The following DENND1A variants were observed in gnomAD, a reference collection of about 807,000 sequenced individuals.
DENND1A encodes the protein DENN domain containing 1A.
Under a neutral mutation model 113.7 loss-of-function variants are expected in DENND1A, and 51 were observed. The observed-to-expected ratio is 0.45, with a 90% CI of 0.36 to 0.57. DENND1A has a LOEUF of 0.57. Among genes scored for constraint, DENND1A ranks in the 20% least tolerant of loss-of-function variants. The pLI, the probability that DENND1A is intolerant of heterozygous loss-of-function variation, is 0.00. For missense variants in DENND1A, 1,258 were observed against 1,395.9 expected, an observed-to-expected ratio of 0.90 and a Z score of 1.57; for synonymous variants, 565 against 570.8, an observed-to-expected ratio of 0.99 and a Z score of 0.14.
At chr9:123,736,414 G>C (rs1182622701) in intron 5 of DENND1A, 6 of 152,134 alleles carry the variant, frequency 3.9e-5, no homozygotes, top group Admixed American at 2.6e-4. Flanking sequence ...ATGTCACAAG[G>C]AAAAAGTCCC....
chr9:123,557,571 G>C lies in DENND1A; in HGVS notation c.992C>G (p.Pro331Arg). The C allele has an allele frequency of 6.2e-7, 1 of 1,613,532 alleles. No individual in the cohort carries two copies. The highest frequency in any genetic ancestry group is 1.1e-5 in the South Asian group (1 of 90,956). Residue 331 changes from proline (P) to arginine (R), a missense_variant and splice_region_variant, in exon 13 of 24, where the codon CCG (proline) becomes CGG (arginine). Coordinates refer to ENST00000394215, the MANE Select transcript of DENND1A (RefSeq NM_001352964.2). ...GSYRNALKIE[P>R]EEPITFCEEA... Reference sequence around the variant, plus strand: ...CTGTGACATGCCAAGGCTACTCACCGGCTCGATTTTCAGAGCGTTTCGGTA... The same window carrying C: ...CTGTGACATGCCAAGGCTACTCACCCGCTCGATTTTCAGAGCGTTTCGGTA...
At chr9:123,552,393 G>A (rs1426417084) in intron 13 of DENND1A, among the ~76,000 whole-genome samples, 1 of 152,238 alleles carries the variant, frequency 6.6e-6, no homozygotes, top group Admixed American at 6.5e-5. Context: ...GGGAACTGAG[G>A]ATTGGAGAGG....
At chr9:123,836,378 C>G (rs1035528509) in intron 2 of DENND1A, among the ~76,000 whole-genome samples, 2 of 152,068 alleles carry the variant, frequency 1.3e-5, no homozygotes, top group African/African-American at 4.8e-5. Context: ...CAAGCTCACA[C>G]AAATTTCTTG....
chr9:123,831,370 C>A (rs1305735585), intron 2 of DENND1A, among the ~76,000 whole-genome samples: 2 of 152,154 alleles, frequency 1.3e-5, no homozygotes, highest in Non-Finnish European at 2.9e-5. Context: ...ATAATCAAAT[C>A]TCCTCACATT....
At chr9:123,492,670 G>A (rs544437012) in intron 13 of DENND1A, 8 of 152,268 alleles carry the variant, frequency 5.3e-5, no homozygotes, top group Non-Finnish European at 8.8e-5. Context: ...TAGTAAAAAC[G>A]AAGCATCATG....
intron 5 of DENND1A, among the ~76,000 whole-genome samples, chr9:123,754,394 T>C (rs2070345423): frequency 6.6e-6 from 1 of 152,202 alleles, no homozygotes; most frequent in Non-Finnish European, 1.5e-5. Context: ...GGTGTGCCCT[T>C]TATTTCCACA....
intron 5 of DENND1A, among the ~76,000 whole-genome samples, chr9:123,732,685 A>C (rs2068263288): frequency 6.6e-6 from 1 of 152,234 alleles, no homozygotes; most frequent in African/African-American, 2.4e-5. Context: ...TTAAAAATAA[A>C]AATAGAAAAG....
intron 18 of DENND1A, among the ~76,000 whole-genome samples, chr9:123,443,783 C>T (rs2047103852): frequency 1.3e-5 from 2 of 152,142 alleles, no homozygotes; most frequent in Non-Finnish European, 2.9e-5. Context: ...GGGGAAACCC[C>T]ATATCTACAA....
intron 10 of DENND1A, among the ~76,000 whole-genome samples, chr9:123,615,689 G>T (rs1212957524): frequency 1.3e-5 from 2 of 152,186 alleles, no homozygotes; most frequent in African/African-American, 4.8e-5. Flanking sequence ...CTTGGTAGGG[G>T]CTTTTGTCCG....
At chr9:123,666,844 T>G (rs1482251998) in intron 8 of DENND1A, among the ~76,000 whole-genome samples, 182 bp downstream of exon 8, 3 of 152,238 alleles carry the variant, frequency 2.0e-5, no homozygotes. Flanking sequence ...GCAAATATTC[T>G]CTATTTGTTT....
At chr9:123,402,377 A>G in intron 21 of DENND1A, 1 of 392,604 alleles carries the variant, frequency 2.5e-6, no homozygotes, top group Admixed American at 3.2e-5. Flanking sequence ...TGGAGAGCTG[A>G]AGTGAACTGC....
intron 5 of DENND1A, among the ~76,000 whole-genome samples, chr9:123,734,885 A>G (rs2068447324): frequency 6.6e-6 from 1 of 152,190 alleles, no homozygotes; most frequent in South Asian, 2.1e-4. Flanking sequence ...TCAAGTTGTC[A>G]CTAGGTAAAA....
At chr9:123,537,471 G>A (rs1259504289) in intron 13 of DENND1A, among the ~76,000 whole-genome samples, 2 of 151,344 alleles carry the variant, frequency 1.3e-5, no homozygotes, top group Admixed American at 6.6e-5. Context: ...TTGAATATAC[G>A]GCTAACTGGA....
chr9:123,538,839 T>C (rs1244151325), intron 13 of DENND1A, among the ~76,000 whole-genome samples: 5 of 121,490 alleles, frequency 4.1e-5, no homozygotes, highest in South Asian at 2.7e-4. Flanking sequence ...TATATATATA[T>C]ATATATATAT....
At chr9:123,557,149 G>C (rs1172189692) in intron 13 of DENND1A, among the ~76,000 whole-genome samples, 1 of 152,220 alleles carries the variant, frequency 6.6e-6, no homozygotes, top group Non-Finnish European at 1.5e-5. Flanking sequence ...GGGAAAGCAG[G>C]GGCTCCGGGG....
intron 10 of DENND1A, among the ~76,000 whole-genome samples, chr9:123,629,491 C>T (rs2061385106): frequency 6.6e-6 from 1 of 152,226 alleles, no homozygotes; most frequent in African/African-American, 2.4e-5. Context: ...TCTGCGGAAA[C>T]ATTTTCTGAG....
chr9:123,767,628 A>G (rs1420054517), intron 4 of DENND1A, among the ~76,000 whole-genome samples: 5 of 152,200 alleles, frequency 3.3e-5, no homozygotes, highest in Non-Finnish European at 5.9e-5. Context: ...TACATCTAAG[A>G]AAAAGAAATA....
At chr9:123,728,364 C>T (rs1419526934) in intron 5 of DENND1A, among the ~76,000 whole-genome samples, 4 of 149,162 alleles carry the variant, frequency 2.7e-5, no homozygotes, top group African/African-American at 7.4e-5. Flanking sequence ...GTAATCCCAG[C>T]TACTCAGGAG....
chr9:123,472,651 A>G (rs1050766465), intron 13 of DENND1A, among the ~76,000 whole-genome samples: 3 of 152,096 alleles, frequency 2.0e-5, no homozygotes, highest in African/African-American at 7.2e-5. Flanking sequence ...TGTCCCCCTC[A>G]GGCAGCCACT....
Sources: gnomAD v4.1 joint callset for allele counts (sites outside exome capture counted in the v4.1 genomes callset) on GRCh38, gnomAD v4.1.1 for gene constraint, MANE v1.5 for transcripts, NCBI Gene and HGNC (gene_info 2026-07-23, HGNC 2026-07-21) for gene names.